The following ASTN1 variants were observed in gnomAD, a reference collection of about 807,000 sequenced individuals.
The protein encoded by ASTN1 is astrotactin 1, also known as astrotactin-1.
A neutral mutation model predicts 140.7 loss-of-function variants in ASTN1; 41 were observed. The observed-to-expected ratio is 0.29, with a 90% CI of 0.23 to 0.38. The LOEUF (loss-of-function observed/expected upper bound fraction) is 0.38, where lower values mean the gene tolerates loss of function less well. Ranked by LOEUF, ASTN1 falls within the 10% of genes least tolerant of loss-of-function variation. The pLI is 1.00. For synonymous variants in ASTN1, 640 were observed against 652.2 expected, an observed-to-expected ratio of 0.98 and a Z score of 0.29; for missense variants, 1,479 against 1,678.8, an observed-to-expected ratio of 0.88 and a Z score of 2.08.
intron 12 of ASTN1, 100 bp downstream of exon 12, chr1:176,949,084 CT>C: frequency 6.7e-7 from 1 of 1,494,740 alleles, no homozygotes; most frequent in East Asian, 2.3e-5. Context: ...AAGGGATGGC[CT>C]AGGGTGACCT....
chr1:176,914,438 G>A (rs1028196906), intron 16 of ASTN1, among the ~76,000 whole-genome samples: 3 of 152,192 alleles, frequency 2.0e-5, no homozygotes, highest in African/African-American at 7.2e-5. Flanking sequence ...AGAAACAGAG[G>A]TGAAGGTGGC....
At chr1:176,998,476 G>GTAAGCTC (rs1462367207) in intron 8 of ASTN1, among the ~76,000 whole-genome samples, 2 of 147,166 alleles carry the variant, frequency 1.4e-5, no homozygotes, top group Admixed American at 1.4e-4. Context: ...TTCCCCTGGG[G>GTAAGCTC]TAAGCTCTAC....
intron 1 of ASTN1, among the ~76,000 whole-genome samples, chr1:177,138,591 A>G (rs1249461019): frequency 1.3e-5 from 2 of 152,262 alleles, no homozygotes; most frequent in Non-Finnish European, 1.5e-5. Flanking sequence ...GACTGGGACA[A>G]ATAGCTGTGT....
rs561085988 is a variant in ASTN1 at position 177,143,845 on chromosome 1, T to A, written c.283+20549A>T. 5.9e-5 allele frequency among the ~76,000 whole-genome samples: 9 copies of A among 152,270 alleles called. No individual in the cohort carries two copies. The South Asian group carries it at 1.7e-3, about 28-fold the overall frequency. ...AAAATATTCTCATACTGATGCTAATTTCTTAGTTTTCATCATCGTACTACA... is the reference window on the plus strand; with the variant it reads ...AAAATATTCTCATACTGATGCTAATATCTTAGTTTTCATCATCGTACTACA... On this transcript the variant is annotated intron_variant, in intron 1 of 22. Coordinates refer to ENST00000361833, the MANE Select transcript of ASTN1 (RefSeq NM_004319.3).
chr1:177,060,869 A>T (rs371945889), intron 2 of ASTN1, among the ~76,000 whole-genome samples: 2 of 152,178 alleles, frequency 1.3e-5, no homozygotes, highest in East Asian at 3.9e-4. Flanking sequence ...TAGAGAAAAC[A>T]GTTGGGGAAT....
chr1:176,918,902 C>T (rs1670611232), intron 16 of ASTN1, among the ~76,000 whole-genome samples: 2 of 152,146 alleles, frequency 1.3e-5, no homozygotes, highest in South Asian at 4.1e-4. Context: ...GCCCCAACCC[C>T]ACCAGCCTTC....
At chr1:177,100,199 T>C (rs1680232340) in intron 1 of ASTN1, among the ~76,000 whole-genome samples, 1 of 152,110 alleles carries the variant, frequency 6.6e-6, no homozygotes, top group Admixed American at 6.6e-5. Flanking sequence ...AATAATGAAA[T>C]TTCACTGTAC....
At chr1:176,991,584 A>C (rs984305544) in intron 8 of ASTN1, among the ~76,000 whole-genome samples, 3 of 152,228 alleles carry the variant, frequency 2.0e-5, no homozygotes, top group African/African-American at 7.2e-5. Flanking sequence ...TGATCGCTCG[A>C]TAATTCGAAC....
intron 14 of ASTN1, among the ~76,000 whole-genome samples, chr1:176,939,849 AGAAG>A (rs1176450191): frequency 2.2e-4 from 30 of 133,860 alleles, no homozygotes; most frequent in East Asian, 7.9e-4. Context: ...AAGGAAGGAA[AGAAG>A]GAAGGAAGGG....
intron 8 of ASTN1, among the ~76,000 whole-genome samples, chr1:176,978,180 A>C (rs1673447134): frequency 6.6e-6 from 1 of 152,212 alleles, no homozygotes; most frequent in Non-Finnish European, 1.5e-5. Context: ...CAAACAGCAA[A>C]GGTACCAGTT....
At chr1:177,133,565 T>G (rs55681344) in intron 1 of ASTN1, among the ~76,000 whole-genome samples, 4,115 of 152,054 alleles carry the variant, frequency 0.027, 67 homozygotes, top group African/African-American at 0.047. Flanking sequence ...AGGAATGGGG[T>G]TATATCTTGT....
At chr1:177,021,752 C>T (rs1422431594) in intron 7 of ASTN1, among the ~76,000 whole-genome samples, 1 of 152,182 alleles carries the variant, frequency 6.6e-6, no homozygotes, top group Admixed American at 6.5e-5. Context: ...AAGCTCCCCC[C>T]GGGGATCAAG....
chr1:177,147,653 G>T (rs1477835988), intron 1 of ASTN1, among the ~76,000 whole-genome samples: 1 of 152,146 alleles, frequency 6.6e-6, no homozygotes, highest in African/African-American at 2.4e-5. Flanking sequence ...GTGGAGGAGA[G>T]TTGTTGAAGT....
chr1:177,060,775 A>G (rs1678043484), intron 2 of ASTN1, among the ~76,000 whole-genome samples: 1 of 152,204 alleles, frequency 6.6e-6, no homozygotes, highest in Non-Finnish European at 1.5e-5. Flanking sequence ...TGCTGGGATT[A>G]CAAGTGTGAG....
At chr1:177,101,189 A>C (rs1680284711) in intron 1 of ASTN1, among the ~76,000 whole-genome samples, 1 of 152,168 alleles carries the variant, frequency 6.6e-6, no homozygotes, top group African/African-American at 2.4e-5. Context: ...AATAAGCCAA[A>C]ATTCCACTCA....
chr1:176,866,314 A>G (rs895632864), intron 22 of ASTN1, among the ~76,000 whole-genome samples: 10 of 152,104 alleles, frequency 6.6e-5, no homozygotes, highest in African/African-American at 2.2e-4. Flanking sequence ...TCCAACTTCA[A>G]TGGTGGGTCA....
intron 1 of ASTN1, among the ~76,000 whole-genome samples, chr1:177,079,002 T>A (rs1427212170): frequency 6.6e-6 from 1 of 152,208 alleles, no homozygotes; most frequent in Non-Finnish European, 1.5e-5. Context: ...TGCCACCAAA[T>A]GGACCTCAAT....
intron 21 of ASTN1, among the ~76,000 whole-genome samples, chr1:176,874,341 G>T (rs1668473782): frequency 6.6e-6 from 1 of 152,172 alleles, no homozygotes; most frequent in Non-Finnish European, 1.5e-5. Context: ...ACTCCAGAGG[G>T]TCTAAAAAGG....
chr1:176,989,074 G>A (rs1299602746), intron 8 of ASTN1, among the ~76,000 whole-genome samples: 1 of 152,180 alleles, frequency 6.6e-6, no homozygotes, highest in Non-Finnish European at 1.5e-5. Context: ...TTAATAGGCT[G>A]AAACCCAGGA....
Sources: gnomAD v4.1 joint callset for allele counts (sites outside exome capture counted in the v4.1 genomes callset) on GRCh38, gnomAD v4.1.1 for gene constraint, MANE v1.5 for transcripts, NCBI Gene and HGNC (gene_info 2026-07-23, HGNC 2026-07-21) for gene names.